Variants in CNTLN observed in about 807,000 individuals in gnomAD.
CNTLN encodes centlein.
A neutral mutation model predicts 180.0 loss-of-function variants in CNTLN; 212 were observed. The observed-to-expected ratio is 1.18, with a 90% CI of 1.05 to 1.32. The LOEUF is 1.32. Among genes scored for constraint, CNTLN ranks in the 40% most tolerant of loss-of-function variants. The pLI is 0.00. For synonymous variants in CNTLN, 722 were observed against 563.1 expected (o/e 1.28, Z -3.99); for missense variants, 2,095 against 1,610.9 (o/e 1.30, Z -5.14).
chr9:17,438,232 C>G (rs1179744628), intron 18 of CNTLN, among the ~76,000 whole-genome samples: 1 of 151,882 alleles, frequency 6.6e-6, no homozygotes, highest in African/African-American at 2.4e-5. Context: ...GAGACTAAGG[C>G]TCGAGAGACT....
At chr9:17,177,206 G>A (rs752799615) in intron 2 of CNTLN, among the ~76,000 whole-genome samples, 3 of 152,066 alleles carry the variant, frequency 2.0e-5, no homozygotes, top group Non-Finnish European at 4.4e-5. Context: ...TCAGGAGACC[G>A]AGACTATCTT....
chr9:17,228,416 T>G (rs1563902245), intron 3 of CNTLN, among the ~76,000 whole-genome samples: 1 of 152,088 alleles, frequency 6.6e-6, no homozygotes, highest in African/African-American at 2.4e-5. Context: ...TTCATTTTTG[T>G]GCAATGATGA....
chr9:17,502,577 A>G lies in CNTLN; in HGVS notation c.4146A>G (p.Glu1382=). 7.1e-7 allele frequency: 1 copy of G among 1,405,096 alleles called. No individual in the cohort carries two copies. Among genetic ancestry groups the G allele is most frequent in the Non-Finnish European group, 9.7e-7 (1 of 1,025,984 alleles). The allele number at this position is 1,405,096 out of a possible 1,614,324, so 87.0% of individuals were successfully genotyped here. The change falls in exon 26 of 26, where the codon GAA becomes GAG. Residue 1382 remains glutamate (E), a synonymous_variant. Transcript: ENST00000380647. ...TTCCTTTTGCCTCATATTTACTAGA[A>G]GCAGTACTGGAAAAAATAAATGAAA... is the stretch of plus-strand genomic sequence containing the variant. ...GQLPFASYLL[E]AVLEKINEKK...
At chr9:17,349,804 C>T (rs1285659174) in intron 12 of CNTLN, among the ~76,000 whole-genome samples, 1 of 152,140 alleles carries the variant, frequency 6.6e-6, no homozygotes, top group African/African-American at 2.4e-5. Flanking sequence ...AATGAGCATT[C>T]ATGTGTTCAT....
At chr9:17,401,812 CGTT>C (rs1397384389) in intron 15 of CNTLN, among the ~76,000 whole-genome samples, 3 of 118,474 alleles carry the variant, frequency 2.5e-5, no homozygotes, top group East Asian at 2.2e-4. Context: ...TATGAAAAAG[CGTT>C]AATAGAACTT....
At chr9:17,237,919 T>G (rs1002146787) in intron 5 of CNTLN, among the ~76,000 whole-genome samples, 2 of 152,166 alleles carry the variant, frequency 1.3e-5, no homozygotes, top group African/African-American at 2.4e-5. Flanking sequence ...GGATTTATTT[T>G]CTTAATTTTT....
intron 13 of CNTLN, among the ~76,000 whole-genome samples, chr9:17,367,720 A>T (rs1823948274): frequency 1.3e-5 from 2 of 152,126 alleles, no homozygotes; most frequent in Non-Finnish European, 2.9e-5. Flanking sequence ...TAGCTCCTGG[A>T]TGACATTTCT....
At chr9:17,156,723 C>CTGCAATAAAGCAAATAT (rs1025923896) in intron 2 of CNTLN, among the ~76,000 whole-genome samples, 1 of 152,130 alleles carries the variant, frequency 6.6e-6, no homozygotes, top group Non-Finnish European at 1.5e-5. Flanking sequence ...TTCCAGACCA[C>CTGCAATAAAGCAAATAT]TGCAATAAAG....
chr9:17,254,605 G>A (rs1164877285), intron 5 of CNTLN, among the ~76,000 whole-genome samples: 1 of 151,344 alleles, frequency 6.6e-6, no homozygotes, highest in Non-Finnish European at 1.5e-5. Context: ...AAAGTGATTT[G>A]AGCACATATA....
chr9:17,250,372 A>T (rs1430692001), intron 5 of CNTLN, among the ~76,000 whole-genome samples: 1 of 152,010 alleles, frequency 6.6e-6, no homozygotes, highest in Non-Finnish European at 1.5e-5. Context: ...TAGAGAAATT[A>T]TTAATGAGGA....
At chr9:17,275,114 G>A (rs1828226808) in intron 6 of CNTLN, among the ~76,000 whole-genome samples, 1 of 151,994 alleles carries the variant, frequency 6.6e-6, no homozygotes, top group Non-Finnish European at 1.5e-5. Context: ...TCTTAGATTT[G>A]GATGAAATTT....
chr9:17,156,222 C>G (rs569765632), intron 2 of CNTLN, among the ~76,000 whole-genome samples: 1 of 152,188 alleles, frequency 6.6e-6, no homozygotes, highest in Non-Finnish European at 1.5e-5. Context: ...TTCGTGTTAA[C>G]AAATAAATTG....
chr9:17,526,513 C>T, the CNTLN span, among the ~76,000 whole-genome samples: 1 of 152,180 alleles, frequency 6.6e-6, no homozygotes, highest in Non-Finnish European at 1.5e-5. Flanking sequence ...TCATGCTAAA[C>T]ATCTCAGGGC....
chr9:17,324,135 T>G (rs187408255), intron 8 of CNTLN, among the ~76,000 whole-genome samples: 11 of 152,282 alleles, frequency 7.2e-5, no homozygotes, highest in African/African-American at 2.6e-4. Context: ...ATGCACAAAT[T>G]TTGGTTGTTT....
At chr9:17,236,066 A>T (rs1279653964) in intron 4 of CNTLN, among the ~76,000 whole-genome samples, 1 of 152,200 alleles carries the variant, frequency 6.6e-6, no homozygotes, top group African/African-American at 2.4e-5. Flanking sequence ...TTAGATTCTG[A>T]TGGGACTGGC....
chr9:17,154,921 C>A (rs941512549), intron 2 of CNTLN, among the ~76,000 whole-genome samples: 1 of 152,216 alleles, frequency 6.6e-6, no homozygotes, highest in African/African-American at 2.4e-5. Flanking sequence ...ATAAATCTTG[C>A]TGCTGCTCAC....
At chr9:17,399,956 G>A (rs893662573) in intron 15 of CNTLN, among the ~76,000 whole-genome samples, 1 of 151,990 alleles carries the variant, frequency 6.6e-6, no homozygotes, top group South Asian at 2.1e-4. Context: ...ATCAAACCTC[G>A]CATGTAACCG....
In CNTLN at chr9:17,188,924, A is replaced by G. The variant is rs571683430; in HGVS notation, c.450-37279A>G. ...ATTATGTGTTTCTACTTCTTTGCAT[A>G]CCTAATAATTTTTGGTTTGATACTT... On this transcript the variant is annotated intron_variant, in intron 2 of 25. Coordinates refer to ENST00000380647, the MANE Select transcript of CNTLN (RefSeq NM_017738.4). 5.3e-5 allele frequency among the ~76,000 whole-genome samples: 8 copies of G among 151,628 alleles called. No homozygotes were observed. In the East Asian group the frequency reaches 1.2e-3, roughly 22 times the overall value.
At chr9:17,147,207 A>C (rs562718972) in intron 2 of CNTLN, among the ~76,000 whole-genome samples, 140 of 152,328 alleles carry the variant, frequency 9.2e-4, no homozygotes, top group Non-Finnish European at 1.7e-3. Flanking sequence ...ACTTCATTGT[A>C]GTGAATGAGA....
Sources: gnomAD v4.1 joint callset for allele counts (sites outside exome capture counted in the v4.1 genomes callset) on GRCh38, gnomAD v4.1.1 for gene constraint, MANE v1.5 for transcripts, NCBI Gene and HGNC (gene_info 2026-07-23, HGNC 2026-07-21) for gene names.